The following DENND2B variants were observed in gnomAD, a reference collection of about 807,000 sequenced individuals.
DENND2B encodes the protein DENN domain-containing protein 2B.
A neutral mutation model predicts 116.0 loss-of-function variants in DENND2B; 32 were observed. That is an observed-to-expected ratio of 0.28 (90% confidence interval 0.21 to 0.37). DENND2B has a LOEUF of 0.37. Ranked by LOEUF, DENND2B falls within the 10% of genes least tolerant of loss-of-function variation. The probability of loss-of-function intolerance (pLI) is 1.00; values close to 1 mark genes in which losing one functional copy is unlikely to be tolerated. For synonymous variants in DENND2B, 588 were observed against 583.9 expected, an observed-to-expected ratio of 1.01 and a Z score of -0.10; for missense variants, 1,276 against 1,477.7, an observed-to-expected ratio of 0.86 and a Z score of 2.24.
chr11:8,871,941 T>C (rs578128030), upstream of DENND2B, among the ~76,000 whole-genome samples: 15 of 152,330 alleles, frequency 9.8e-5, no homozygotes, highest in Non-Finnish European at 2.1e-4. Context: ...TGTAATCCAT[T>C]TTTTACTCAC....
At chr11:8,897,538 T>A (rs1333892323) in intron 1 of DENND2B, among the ~76,000 whole-genome samples, 1 of 152,152 alleles carries the variant, frequency 6.6e-6, no homozygotes, top group African/African-American at 2.4e-5. Context: ...TCAATATCAT[T>A]GCTGGCTGAA....
At chr11:8,848,698 T>A (rs2568051) in intron 3 of DENND2B, among the ~76,000 whole-genome samples, 139,763 of 152,280 alleles carry the variant, frequency 0.92, 65,338 homozygotes, top group East Asian at 1. Flanking sequence ...TGAAGCAGAT[T>A]AAGAATATAT....
chr11:8,808,056 G>T (rs1594009104), intron 1 of DENND2B: 1 of 152,322 alleles, frequency 6.6e-6, no homozygotes, highest in Non-Finnish European at 1.5e-5. Context: ...ACAGTCCCAT[G>T]GCATATCAAG....
intron 1 of DENND2B, chr11:8,766,491 C>T (rs1262360848): frequency 6.0e-5 from 40 of 663,606 alleles, no homozygotes; most frequent in Non-Finnish European, 4.5e-5. Flanking sequence ...CTTCCACACA[C>T]GCTCAGACTT....
chr11:8,774,131 A>T, intron 1 of DENND2B: 1 of 985,442 alleles, frequency 1.0e-6, no homozygotes, highest in Non-Finnish European at 1.2e-6. Context: ...CCACTGCTAA[A>T]AGTGCTTTCT....
Position 8,849,895 on chromosome 11 carries a change from G to T in DENND2B, c.-156+7448C>A, listed in dbSNP as rs2062948501. Among the ~76,000 whole-genome samples, 2 of 151,080 alleles carry T rather than the reference G, an allele frequency of 1.3e-5. 1 individual carries two copies. Among genetic ancestry groups the T allele is most frequent in the Non-Finnish European group, 3.0e-5 (2 of 67,772 alleles). ...CATGCCTGTAATTCCAACACTTTGG[G>T]AGGCCAAGGCAGGTGGATCACTTGA... On this transcript the variant is annotated intron_variant, in intron 3 of 6. Coordinates refer to the DENND2B transcript ENST00000524757.
intron 4 of DENND2B, chr11:8,718,595 G>A: frequency 7.4e-7 from 1 of 1,353,336 alleles, no homozygotes; most frequent in East Asian, 2.8e-5. Context: ...AGCAAAAAGA[G>A]AACCATCAAC....
At chr11:8,806,638 A>ACACC (rs1017645452) in intron 1 of DENND2B, among the ~76,000 whole-genome samples, 11 of 151,016 alleles carry the variant, frequency 7.3e-5, no homozygotes, top group Admixed American at 2.0e-4. Context: ...ACACACACAC[A>ACACC]CCCAGGAGAG....
At chr11:8,806,544 C>A (rs1003775264) in intron 1 of DENND2B, among the ~76,000 whole-genome samples, 2 of 147,268 alleles carry the variant, frequency 1.4e-5, no homozygotes, top group African/African-American at 5.0e-5. Context: ...GAGAAGGGGT[C>A]TTTGGAGAAA....
Position 8,702,881 on chromosome 11 carries a change from G to T in DENND2B, c.2572-161C>A. The T allele has an allele frequency of 1.2e-6, 1 of 861,906 alleles. No homozygotes were observed. The highest frequency in any genetic ancestry group is 1.8e-5 in the South Asian group (1 of 56,062). 53.4% of individuals were successfully genotyped at this position (861,906 alleles called of 1,614,324 possible). A position where few individuals can be genotyped will look rare whatever the true frequency, so the allele number is the denominator to read the frequency against. On this transcript the variant is annotated intron_variant, in intron 13 of 19. Transcript: ENST00000313726. This position sits in a 1 kb window ranked among gnomAD's most constrained non-coding sequence, Gnocchi z 4.6. ...GTAAACCCCTCTTCTCCATCCCTCG[G>T]ACTACAGCTCTGCTCTCGTAGCACT...
intron 1 of DENND2B, among the ~76,000 whole-genome samples, chr11:8,784,837 C>CAA (rs112292066): frequency 3.2e-4 from 41 of 128,560 alleles, no homozygotes; most frequent in Middle Eastern, 4.0e-3. Context: ...GACTCCTTCT[C>CAA]AAAAAAAAAA....
chr11:8,760,789 T>C (rs1372654889), intron 1 of DENND2B, among the ~76,000 whole-genome samples: 1 of 151,906 alleles, frequency 6.6e-6, no homozygotes, highest in Non-Finnish European at 1.5e-5. Flanking sequence ...CAAGGAAAAA[T>C]GTAATGGGGA....
intron 11 of DENND2B, among the ~76,000 whole-genome samples, chr11:8,709,299 G>A (rs1278474952): frequency 1.3e-5 from 2 of 152,198 alleles, no homozygotes; most frequent in Non-Finnish European, 2.9e-5. Flanking sequence ...AATCAAGTAT[G>A]TGGGATTTGG....
rs751323320 is a variant in DENND2B at position 8,730,356 on chromosome 11, G to A, written c.934C>T (p.Arg312Trp). The A allele has an allele frequency of 9.4e-6, 15 of 1,601,860 alleles. No homozygotes were observed. The Admixed American group carries it at 2.3e-4, about 25-fold the overall frequency. The change falls in exon 3 of 20, where the codon CGG becomes TGG. Residue 312 changes from arginine (R) to tryptophan (W), a missense_variant. This residue lies in a region of DENND2B where 856 missense variants were observed against 846.6 expected (regional missense o/e 1.01). Transcript: ENST00000313726. The surrounding 1 kb of genome is among the most constrained non-coding windows in gnomAD (Gnocchi z 4.1). ...AAGGTTCCAGTCTTCCTTTTCCCCC[G>A]GTCCACGCTGTAGCAGCTGCTGGGG... is the stretch of plus-strand genomic sequence containing the variant. ...QLPSSCYSVDRGKRKTGTLGS... is the reference protein window; with the variant it reads ...QLPSSCYSVDWGKRKTGTLGS...
At chr11:8,771,403 T>C (rs548219876) in intron 1 of DENND2B, among the ~76,000 whole-genome samples, 91 of 152,084 alleles carry the variant, frequency 6.0e-4, no homozygotes, top group Non-Finnish European at 1.1e-3. Context: ...TGTGTGTGTG[T>C]GTGCGTGTGT....
rs201828405 is a variant in DENND2B, at chr11:8,697,512, G to A, written c.3052+13C>T. 1.1e-5 allele frequency: 18 copies of A among 1,605,372 alleles called. No individual in the cohort carries two copies. In the East Asian group the frequency reaches 3.3e-4, roughly 30 times the overall value. ...CTGGAGCAGAGCTGACCGTGCCCGG[G>A]CACTATTCTCACCATCGTCGGAGTC... is the stretch of plus-strand genomic sequence containing the variant. On this transcript the variant is annotated intron_variant, in intron 17 of 19. Transcript: ENST00000313726.
At chr11:8,715,112 G>C (rs2133821885) in intron 6 of DENND2B, among the ~76,000 whole-genome samples, 1 of 152,334 alleles carries the variant, frequency 6.6e-6, no homozygotes, top group Admixed American at 6.5e-5. Flanking sequence ...GGCCCCGACA[G>C]GAAGAAGCTA....
chr11:8,715,771 T>C lies in DENND2B; in HGVS notation c.1677A>G (p.Ser559=), dbSNP rs1257481150. 1 of 1,613,306 alleles carries C rather than the reference T, an allele frequency of 6.2e-7. No individual in the cohort carries two copies. Among genetic ancestry groups the C allele is most frequent in the Non-Finnish European group, 8.5e-7 (1 of 1,179,310 alleles). Residue 559 remains serine, a synonymous_variant, in exon 6 of 20, where the codon TCA becomes TCG. Coordinates refer to ENST00000313726, the MANE Select transcript of DENND2B (RefSeq NM_213618.2). ...NSQSLRSGNW[S]ERKSHRLPRL... Reference sequence around the variant, plus strand: ...GTGGCAGCCGGTGGCTCTTCCTTTCTGACCAGTTCCCACTGCGCAGGGACT... The same window carrying C: ...GTGGCAGCCGGTGGCTCTTCCTTTCCGACCAGTTCCCACTGCGCAGGGACT...
chr11:8,862,071 A>C (rs2063412197), intron 2 of DENND2B, among the ~76,000 whole-genome samples: 1 of 152,054 alleles, frequency 6.6e-6, no homozygotes, highest in African/African-American at 2.4e-5. Context: ...AGGGTTACAA[A>C]GACTACATAT....
Sources: allele counts gnomAD v4.1 joint callset (sites outside exome capture counted in the v4.1 genomes callset), GRCh38; gene constraint gnomAD v4.1.1; regional missense constraint gnomAD v4.1.1; non-coding constraint Gnocchi (gnomAD v3.1); transcripts MANE v1.5; gene names NCBI Gene and HGNC (gene_info 2026-07-23, HGNC 2026-07-21).